The following COL21A1 variants were observed in gnomAD, a reference collection of about 807,000 sequenced individuals.
The protein encoded by COL21A1 is collagen alpha-1(XXI) chain.
Under a neutral mutation model 137.9 loss-of-function variants are expected in COL21A1, and 149 were observed. That is an observed-to-expected ratio of 1.08 (90% CI 0.95 to 1.24). The LOEUF (loss-of-function observed/expected upper bound fraction) is 1.24, where lower values mean the gene tolerates loss of function less well. Ranked by LOEUF, COL21A1 falls within the 50% of genes most tolerant of loss-of-function variation. COL21A1 has a pLI of 0.00. For missense variants in COL21A1, 1,167 were observed against 1,158.4 expected (o/e 1.01, Z -0.11); for synonymous variants, 456 against 391.5 (o/e 1.16, Z -1.95).
intron 1 of COL21A1, among the ~76,000 whole-genome samples, chr6:56,315,695 T>TCCCTCTACCCC (rs1764715854): frequency 8.9e-6 from 1 of 112,988 alleles, no homozygotes; most frequent in South Asian, 2.6e-4. Context: ...CTCCCGCTCC[T>TCCCTCTACCCC]CCCTCTACCC....
At chr6:56,186,044 A>G (rs1019856958) in intron 1 of COL21A1, among the ~76,000 whole-genome samples, 1 of 152,188 alleles carries the variant, frequency 6.6e-6, no homozygotes, top group Non-Finnish European at 1.5e-5. Context: ...ATTACAGTCC[A>G]TTGATTTAGC....
Position 56,371,480 on chromosome 6 carries a change from T to C in COL21A1, c.-39+22491A>G, listed in dbSNP as rs371422866. 6.6e-5 allele frequency among the ~76,000 whole-genome samples: 10 copies of C among 152,236 alleles called. No homozygotes were observed. The East Asian group carries it at 9.7e-4, about 15-fold the overall frequency. On this transcript the variant is annotated intron_variant, in intron 1 of 28. Transcript: ENST00000370819. Reference sequence around the variant, plus strand: ...CAGGGGCAACCAAGGTGAAGAGATATCGGCCTTCAACCCAAGTTCCCCCCA... The same window carrying C: ...CAGGGGCAACCAAGGTGAAGAGATACCGGCCTTCAACCCAAGTTCCCCCCA...
At chr6:56,220,489 T>G (rs189768410) in intron 1 of COL21A1, among the ~76,000 whole-genome samples, 11 of 152,294 alleles carry the variant, frequency 7.2e-5, no homozygotes, top group Admixed American at 3.9e-4. Context: ...ATTTCTTAAC[T>G]GCTAAAGACT....
At chr6:56,149,535 CTTCTATATCCATCTGCCTACCTAAAAT>C (rs1775117415) in intron 10 of COL21A1, among the ~76,000 whole-genome samples, 1 of 152,190 alleles carries the variant, frequency 6.6e-6, no homozygotes, top group African/African-American at 2.4e-5. Flanking sequence ...AAATGTCAGA[CTTCTATATCCATCTGCCTACCTAAAAT>C]TTCTACTTGA....
intron 1 of COL21A1, among the ~76,000 whole-genome samples, chr6:56,393,732 A>AG (rs1278634232): frequency 6.6e-6 from 1 of 152,208 alleles, no homozygotes; most frequent in African/African-American, 2.4e-5. Context: ...ACCATGAGGC[A>AG]GGTAGAAAAT....
At chr6:56,307,450 C>T (rs12190354) in intron 1 of COL21A1, among the ~76,000 whole-genome samples, 19,965 of 152,220 alleles carry the variant, frequency 0.13, 1,383 homozygotes, top group Middle Eastern at 0.2. Context: ...GCCTCGCTGC[C>T]GCCTTGCAGT....
chr6:56,253,776 T>A (rs1782909357), intron 1 of COL21A1, among the ~76,000 whole-genome samples: 1 of 152,180 alleles, frequency 6.6e-6, no homozygotes, highest in Admixed American at 6.5e-5. Context: ...GTTCAAATAT[T>A]TTGCTTTAAA....
intron 1 of COL21A1, among the ~76,000 whole-genome samples, chr6:56,227,398 G>C (rs531145837): frequency 6.6e-6 from 1 of 151,980 alleles, no homozygotes; most frequent in South Asian, 2.1e-4. Flanking sequence ...CGCTTGTTAA[G>C]CCTGTGGGAA....
chr6:56,124,665 G>T (rs12203966), intron 14 of COL21A1, among the ~76,000 whole-genome samples: 22,842 of 148,844 alleles, frequency 0.15, 1,754 homozygotes, highest in Middle Eastern at 0.22. Context: ...TTTTTGAGAC[G>T]GAGTCTCACT....
At chr6:56,281,824 G>T (rs1200954546) in intron 1 of COL21A1, among the ~76,000 whole-genome samples, 1 of 152,146 alleles carries the variant, frequency 6.6e-6, no homozygotes, top group African/African-American at 2.4e-5. Flanking sequence ...ATGGCATCTG[G>T]TCACAAGAGA....
chr6:56,260,782 A>G (rs1047092609), intron 1 of COL21A1, among the ~76,000 whole-genome samples: 5 of 150,830 alleles, frequency 3.3e-5, no homozygotes, highest in Admixed American at 1.3e-4. Context: ...TTTTTTAGAA[A>G]GTAAAGTGGA....
At chr6:56,097,770 TATATAAATA>T (rs1277212134) in intron 17 of COL21A1, among the ~76,000 whole-genome samples, 2 of 118,590 alleles carry the variant, frequency 1.7e-5, no homozygotes, top group African/African-American at 6.3e-5. Flanking sequence ...TATATAAATA[TATATAAATA>T]TATAAAAATA....
chr6:56,145,950 A>G (rs901830140), intron 10 of COL21A1, among the ~76,000 whole-genome samples: 1 of 152,034 alleles, frequency 6.6e-6, no homozygotes, highest in Non-Finnish European at 1.5e-5. Context: ...TCCATGATTC[A>G]TAGTTACAAA....
chr6:56,227,584 T>C (rs968469714), intron 1 of COL21A1, among the ~76,000 whole-genome samples: 1 of 152,020 alleles, frequency 6.6e-6, no homozygotes, highest in Non-Finnish European at 1.5e-5. Context: ...GTTGTTTAGA[T>C]TGTAAAAGAA....
At chr6:56,125,446 C>A in intron 14 of COL21A1, 121 bp downstream of exon 14, 2 of 566,398 alleles carry the variant, frequency 3.5e-6, no homozygotes, top group South Asian at 3.7e-5. Flanking sequence ...TGAATTAATC[C>A]CCTAAGAAGG....
rs139595782 is a variant in COL21A1 at position 56,133,894 on chromosome 6, T to C, written c.1543-7745A>G. On this transcript the variant is annotated intron_variant, in intron 12 of 29. Transcript: ENST00000244728. The stretch of plus-strand genomic sequence containing the variant: ...GAGGTTTGGGAACCTCCACCTAGAC[T>C]TCAGAGGATGTATGGAAATGCCTGG... Among the ~76,000 whole-genome samples, 254 of 152,272 alleles carry C rather than the reference T, an allele frequency of 1.7e-3. 4 individuals are homozygous for C. In the East Asian group the frequency reaches 0.037, roughly 22 times the overall value.
intron 1 of COL21A1, among the ~76,000 whole-genome samples, chr6:56,243,909 T>C (rs1228114182): frequency 6.6e-6 from 1 of 152,190 alleles, no homozygotes; most frequent in Non-Finnish European, 1.5e-5. Flanking sequence ...AATAAACATT[T>C]CAACTTTGTT....
intron 1 of COL21A1, among the ~76,000 whole-genome samples, chr6:56,185,414 G>A (rs1349581806): frequency 7.1e-6 from 1 of 141,004 alleles, no homozygotes; most frequent in Non-Finnish European, 1.5e-5. Context: ...GTGGACAGGC[G>A]AAATGAACAG....
chr6:56,175,560 T>C (rs1777403208), intron 3 of COL21A1, among the ~76,000 whole-genome samples: 1 of 151,982 alleles, frequency 6.6e-6, no homozygotes, highest in East Asian at 1.9e-4. Flanking sequence ...AATAAAATAC[T>C]TAGAAATAAA....
Sources: gnomAD v4.1 joint callset for allele counts (sites outside exome capture counted in the v4.1 genomes callset) on GRCh38, gnomAD v4.1.1 for gene constraint, MANE v1.5 for transcripts, NCBI Gene and HGNC (gene_info 2026-07-23, HGNC 2026-07-21) for gene names.